CLUAP1: variants seen among roughly 807,000 people sequenced by gnomAD.
CLUAP1 encodes the protein intraflagellar transport 38.
In CLUAP1, 50 loss-of-function variants were observed where a neutral mutation model predicts 55.0. The observed-to-expected ratio is 0.91, with a 90% CI of 0.72 to 1.15. The LOEUF (loss-of-function observed/expected upper bound fraction) is 1.15, where lower values mean the gene tolerates loss of function less well. Ranked by LOEUF, CLUAP1 falls within the 50% of genes most tolerant of loss-of-function variation. The pLI is 0.00. For synonymous variants in CLUAP1, 195 were observed against 175.4 expected (o/e 1.11, Z -0.88); for missense variants, 530 against 507.6 (o/e 1.04, Z -0.42).
chr16:3,533,109 C>T lies in CLUAP1; in HGVS notation c.1092+268C>T. On this transcript the variant is annotated intron_variant, in intron 11 of 11. Transcript: ENST00000576634. ...TCTCGCTTTCCAAAGATGGAAGCAG[C>T]ACCAGCTCTCTTAGGTAAATGCAAG... 4 of 1,536,122 alleles carry T rather than the reference C, an allele frequency of 2.6e-6. No individual in the cohort carries two copies. In the South Asian group the frequency reaches 3.6e-5, roughly 14 times the overall value.
At chr16:3,518,716 A>C (rs1438396674) in intron 6 of CLUAP1, among the ~76,000 whole-genome samples, 1 of 152,218 alleles carries the variant, frequency 6.6e-6, no homozygotes, top group East Asian at 1.9e-4. Flanking sequence ...TAAGGGTCTG[A>C]TTATTTTCAT....
chr16:3,531,807 A>C (rs146767478), intron 10 of CLUAP1, among the ~76,000 whole-genome samples: 1 of 150,632 alleles, frequency 6.6e-6, no homozygotes, highest in Non-Finnish European at 1.5e-5. Context: ...TACAATTGGA[A>C]CTCTTCCTCT....
At chr16:3,497,088 C>G (rs924221633), upstream of CLUAP1, among the ~76,000 whole-genome samples, 1 of 151,944 alleles carries the variant, frequency 6.6e-6, no homozygotes, top group African/African-American at 2.4e-5. Flanking sequence ...CCAGGCTGGT[C>G]TCAAACTCCT....
At chr16:3,501,275 G>C (rs962493819) in intron 1 of CLUAP1, among the ~76,000 whole-genome samples, 186 bp downstream of exon 1, 15 of 152,234 alleles carry the variant, frequency 9.9e-5, no homozygotes, top group Non-Finnish European at 2.1e-4. Flanking sequence ...CCCTTCTTCG[G>C]CCATTTCTAG....
chr16:3,520,113 C>A, intron 7 of CLUAP1, 77 bp downstream of exon 7: 2 of 1,415,458 alleles, frequency 1.4e-6, no homozygotes, highest in Non-Finnish European at 1.9e-6. Flanking sequence ...TGGCTCATGT[C>A]TGAAATCTCA....
chr16:3,529,409 T>A (rs2038011787), intron 9 of CLUAP1, among the ~76,000 whole-genome samples: 1 of 98,862 alleles, frequency 1.0e-5, no homozygotes, highest in Non-Finnish European at 1.9e-5. Flanking sequence ...TATATATATA[T>A]GTCATATATA....
At chr16:3,505,505 C>T (rs763290490) in intron 2 of CLUAP1, among the ~76,000 whole-genome samples, 12 of 149,216 alleles carry the variant, frequency 8.0e-5, no homozygotes, top group Non-Finnish European at 1.8e-4. Flanking sequence ...CGAGATAGCG[C>T]CACTGCAGTT....
intron 11 of CLUAP1, chr16:3,535,423 G>A (rs1250386002): frequency 6.6e-6 from 1 of 152,222 alleles, no homozygotes; most frequent in Admixed American, 6.6e-5. Context: ...TGCACCGACA[G>A]GAATGATCTA....
chr16:3,523,710 C>G, intron 8 of CLUAP1, among the ~76,000 whole-genome samples: 1 of 152,172 alleles, frequency 6.6e-6, no homozygotes, highest in Non-Finnish European at 1.5e-5. Context: ...GATTTAAAAG[C>G]TTGCTTGGCT....
At chr16:3,497,983 C>T (rs1460662866), upstream of CLUAP1, among the ~76,000 whole-genome samples, 1 of 151,976 alleles carries the variant, frequency 6.6e-6, no homozygotes, top group Non-Finnish European at 1.5e-5. Context: ...GGGATATTGG[C>T]TTATGTGATT....
chr16:3,503,803 A>G (rs984371419), intron 1 of CLUAP1, among the ~76,000 whole-genome samples: 1 of 152,158 alleles, frequency 6.6e-6, no homozygotes, highest in African/African-American at 2.4e-5. Flanking sequence ...AAACAGTTAC[A>G]GAGTCCCTTT....
chr16:3,520,050 CT>C lies in CLUAP1; in HGVS notation c.713+16del, dbSNP rs1300113458. ...GCAGAGTGTCAGGTAGATATGAACA[CT>C]TGGAGAATGAGTAGAAAGATGTCCT... On this transcript the variant is annotated intron_variant, in intron 7 of 11. Coordinates refer to ENST00000576634, the MANE Select transcript of CLUAP1 (RefSeq NM_015041.3). 3 of 1,593,260 alleles carry C rather than the reference CT, an allele frequency of 1.9e-6. No homozygotes were observed. The highest frequency in any genetic ancestry group is 2.6e-6 in the Non-Finnish European group (3 of 1,173,404).
At chr16:3,501,641 G>C (rs1330937222) in intron 1 of CLUAP1, among the ~76,000 whole-genome samples, 1 of 152,290 alleles carries the variant, frequency 6.6e-6, no homozygotes, top group East Asian at 1.9e-4. Flanking sequence ...AATTAGCCGG[G>C]GGTGGTGGCG....
chr16:3,530,611 C>G lies in CLUAP1; in HGVS notation c.972C>G (p.Ser324=). 1 of 1,613,900 alleles carries G rather than the reference C, an allele frequency of 6.2e-7. No homozygotes were observed. The highest frequency in any genetic ancestry group is 8.5e-7 in the Non-Finnish European group (1 of 1,179,950). The part of the protein sequence containing the change: ...SDIDIQEDDE[S]DSELEERRLP... Reference sequence around the variant, plus strand: ...TAGACATCCAGGAGGACGATGAATCCGACAGTGAGTTGGAAGAAAGGCGGC... The same window carrying G: ...TAGACATCCAGGAGGACGATGAATCGGACAGTGAGTTGGAAGAAAGGCGGC... Residue 324 remains serine (S), a synonymous_variant, in exon 10 of 12, where the codon TCC becomes TCG. Coordinates refer to ENST00000576634, the MANE Select transcript of CLUAP1 (RefSeq NM_015041.3).
rs760629659 is a variant in CLUAP1, at chr16:3,504,767, A to G, written c.70A>G (p.Met24Val). 27 of 1,613,578 alleles carry G rather than the reference A, an allele frequency of 1.7e-5. No individual in the cohort carries two copies. In the South Asian group the frequency reaches 2.4e-4, roughly 14 times the overall value. ...CCTGGGATACCCTCGACATATTTCT[A>G]TGGAAAATTTCCGTACACCCAATTT... Reference protein sequence around the residue: ...RALGYPRHISMENFRTPNFGL... With the variant: ...RALGYPRHISVENFRTPNFGL... Residue 24 changes from methionine to valine, a missense_variant, in exon 2 of 12, where the codon ATG (methionine) becomes GTG (valine). Met to Val is a conservative substitution (Grantham distance 21). Coordinates refer to ENST00000576634, the MANE Select transcript of CLUAP1 (RefSeq NM_015041.3).
rs564802669 is a variant in CLUAP1, at chr16:3,519,684, C to G, written c.580-219C>G. Among the ~76,000 whole-genome samples the G allele has an allele frequency of 8.7e-4, 132 of 151,990 alleles. 1 individual carries two copies. Among genetic ancestry groups the G allele is most frequent in the African/African-American group, 3.1e-3 (128 of 41,494 alleles). ...TCCCTGGGTAGAAATGCCTGCTTTT[C>G]ATGGGGAAAAAAAAAGAGATACCTT... On this transcript the variant is annotated intron_variant, in intron 6 of 11. Coordinates refer to ENST00000576634, the MANE Select transcript of CLUAP1 (RefSeq NM_015041.3).
In CLUAP1 at chr16:3,529,827, AT is replaced by A. The variant is rs1342716942; in HGVS notation, c.929-739del. On this transcript the variant is annotated intron_variant, in intron 9 of 11. Coordinates refer to ENST00000576634, the MANE Select transcript of CLUAP1 (RefSeq NM_015041.3). ...TTATATATATATTATAATATAATATATTATATAATATATTATATAATATATA... is the reference window on the plus strand; with the variant it reads ...TTATATATATATTATAATATAATATATATATAATATATTATATAATATATA... 2.3e-3 allele frequency among the ~76,000 whole-genome samples: 140 copies of A among 61,952 alleles called. 4 individuals are homozygous for A. The highest frequency in any genetic ancestry group is 7.8e-3 in the African/African-American group (106 of 13,584). The allele number at this position is 61,952 out of a possible 152,430, so 40.6% of individuals were successfully genotyped here.
At chr16:3,511,101 G>C (rs951513600) in intron 4 of CLUAP1, among the ~76,000 whole-genome samples, 1 of 152,224 alleles carries the variant, frequency 6.6e-6, no homozygotes, top group African/African-American at 2.4e-5. Context: ...GTGCTGCTCG[G>C]AAGGGAAGAA....
intron 4 of CLUAP1, 104 bp downstream of exon 4, chr16:3,508,572 C>T: frequency 3.8e-6 from 4 of 1,058,896 alleles, no homozygotes; most frequent in Non-Finnish European, 5.2e-6. Context: ...TCCTCCTCAG[C>T]TGAGGGCAGT....
Sources: gnomAD v4.1 joint callset for allele counts (sites outside exome capture counted in the v4.1 genomes callset) on GRCh38, gnomAD v4.1.1 for gene constraint, MANE v1.5 for transcripts, NCBI Gene and HGNC (gene_info 2026-07-23, HGNC 2026-07-21) for gene names.